Variants in SPATA31D1 observed in about 807,000 individuals in gnomAD.
The protein encoded by SPATA31D1 is spermatogenesis-associated protein 31D1.
SPATA31D1 carries 6 observed loss-of-function variants against 13.2 expected under a neutral mutation model. The observed-to-expected ratio is 0.46, with a 90% CI of 0.25 to 0.90. SPATA31D1 has a LOEUF of 0.90. SPATA31D1 is among the 40% of genes least tolerant of loss of function. SPATA31D1 has a pLI of 0.18. For missense variants in SPATA31D1, 2,445 were observed against 1,884.7 expected, an observed-to-expected ratio of 1.30 and a Z score of -5.50; for synonymous variants, 903 against 718.8, an observed-to-expected ratio of 1.26 and a Z score of -4.10.
rs1280683143 is a variant in SPATA31D1, at chr9:81,992,242, T to C, written c.1772T>C (p.Leu591Pro). 1 of 1,613,796 alleles carries C rather than the reference T, an allele frequency of 6.2e-7. No homozygotes were observed. Among genetic ancestry groups the C allele is most frequent in the South Asian group, 1.1e-5 (1 of 91,074 alleles). The change falls in exon 4 of 4, where the codon CTA (leucine) becomes CCA (proline). Residue 591 changes from leucine to proline, a missense_variant. Physicochemically the swap from Leu to Pro is moderately conservative, Grantham distance 98. Coordinates refer to ENST00000344803, the MANE Select transcript of SPATA31D1 (RefSeq NM_001001670.3). ...LAQPQSPFRA[L>P]LPSPLFLIRI... ...CAACCTCAATCTCCATTCCGAGCCC[T>C]ACTACCTAGTCCTCTATTCCTGATT...
rs1564175049 is a variant in SPATA31D1, at chr9:81,993,131, T to TA, written c.2662dup (p.Thr888AsnfsTer9). On this transcript the variant is annotated frameshift_variant, in exon 4 of 4. Transcript: ENST00000344803. LOFTEE classifies it low-confidence loss of function (END_TRUNC). ...TGGTGAGTGAGGACCACTGCGTTGA[T>TA]ACTTCCCAGGAAATTTCCTTCCTTA... 6 of 1,614,000 alleles carry TA rather than the reference T, an allele frequency of 3.7e-6. No individual in the cohort carries two copies. The South Asian group carries it at 6.6e-5, about 18-fold the overall frequency.
At position 81,991,375 on chromosome 9, in the gene SPATA31D1, C is replaced by G; in HGVS notation, c.905C>G (p.Ser302Cys). 6.2e-7 allele frequency: 1 copy of G among 1,614,042 alleles called. No individual in the cohort carries two copies. The highest frequency in any genetic ancestry group is 1.1e-5 in the South Asian group (1 of 91,080). Reference protein sequence around the residue: ...CARHHGPPIPSALPPEDCTVT... With the variant: ...CARHHGPPIPCALPPEDCTVT... ...CGTCATCACGGACCACCAATCCCATCTGCTTTACCACCGGAAGATTGCACT... is the reference window on the plus strand; with the variant it reads ...CGTCATCACGGACCACCAATCCCATGTGCTTTACCACCGGAAGATTGCACT... Residue 302 changes from serine to cysteine, a missense_variant, in exon 4 of 4, where the codon TCT (serine) becomes TGT (cysteine). Ser to Cys is a moderately radical substitution (Grantham distance 112). Transcript: ENST00000344803.
At chr9:81,988,734 T>C (rs762030389), upstream of SPATA31D1, 98 of 1,600,748 alleles carry the variant, frequency 6.1e-5, no homozygotes, top group South Asian at 1.3e-4. Context: ...GACTCTTCCA[T>C]GCTCTGTGAT....
rs375606595 is a variant in SPATA31D1 at position 81,993,030 on chromosome 9, T to C, written c.2560T>C (p.Trp854Arg). ...AATGCCTGGGACTGTGCATAGTTCATGGCACTCAGTCAAGCAGACAATGTC... is the reference window on the plus strand; with the variant it reads ...AATGCCTGGGACTGTGCATAGTTCACGGCACTCAGTCAAGCAGACAATGTC... ...GRMPGTVHSS[W>R]HSVKQTMSLP... Residue 854 changes from tryptophan (W) to arginine (R), a missense_variant, in exon 4 of 4, where the codon TGG becomes CGG. Coordinates refer to ENST00000344803, the MANE Select transcript of SPATA31D1 (RefSeq NM_001001670.3). The C allele has an allele frequency of 3.1e-6, 5 of 1,613,688 alleles. No individual in the cohort carries two copies. The highest frequency in any genetic ancestry group is 2.2e-5 in the East Asian group (1 of 44,878).
chr9:81,990,886 A>G lies in SPATA31D1; in HGVS notation c.416A>G (p.Asp139Gly). ...VCRVCKRATA[D>G]IQQLLSWESL... Reference sequence around the variant, plus strand: ...CGGGTGTGTAAGAGAGCAACTGCTGATATCCAGCAACTGCTGTCTTGGGAG... The same window carrying G: ...CGGGTGTGTAAGAGAGCAACTGCTGGTATCCAGCAACTGCTGTCTTGGGAG... Residue 139 changes from aspartate (D) to glycine (G), a missense_variant, in exon 4 of 4, where the codon GAT becomes GGT. Physicochemically the swap from Asp to Gly is moderately conservative, Grantham distance 94 (BLOSUM62 -1). Coordinates refer to ENST00000344803, the MANE Select transcript of SPATA31D1 (RefSeq NM_001001670.3). 1 of 1,613,898 alleles carries G rather than the reference A, an allele frequency of 6.2e-7. No homozygotes were observed. The highest frequency in any genetic ancestry group is 8.5e-7 in the Non-Finnish European group (1 of 1,179,884).
At position 81,991,691 on chromosome 9, in the gene SPATA31D1, C is replaced by A; in HGVS notation, c.1221C>A (p.Leu407=). 6.2e-7 allele frequency: 1 copy of A among 1,613,924 alleles called. No individual in the cohort carries two copies. Among genetic ancestry groups the A allele is most frequent in the Non-Finnish European group, 8.5e-7 (1 of 1,179,866 alleles). The change falls in exon 4 of 4, where the codon CTC becomes CTA. Residue 407 remains leucine (L), a synonymous_variant. Coordinates refer to ENST00000344803, the MANE Select transcript of SPATA31D1 (RefSeq NM_001001670.3). ...NLIEPVNISF[L]SHDILALLER... ...TAGAGCCTGTTAACATCTCATTTCTCAGCCATGACATTCTGGCACTCCTGG... is the reference window on the plus strand; with the variant it reads ...TAGAGCCTGTTAACATCTCATTTCTAAGCCATGACATTCTGGCACTCCTGG...
Position 81,995,002 on chromosome 9 carries a change from G to A in SPATA31D1, c.4532G>A (p.Cys1511Tyr). Reference sequence around the variant, plus strand: ...GAGGCATTTAAGGGGAAGATACTGTGTCAAAGCCATCCCCAATCCATGCCC... The same window carrying A: ...GAGGCATTTAAGGGGAAGATACTGTATCAAAGCCATCCCCAATCCATGCCC... The part of the protein sequence containing the change: ...KVEAFKGKIL[C>Y]QSHPQSMPHR... The change falls in exon 4 of 4, where the codon TGT becomes TAT. Residue 1511 changes from cysteine to tyrosine, a missense_variant. Coordinates refer to ENST00000344803, the MANE Select transcript of SPATA31D1 (RefSeq NM_001001670.3). The A allele has an allele frequency of 6.2e-7, 1 of 1,613,998 alleles. No homozygotes were observed.
rs529104881 is a variant in SPATA31D1, at chr9:81,988,973, C to A, written c.155C>A (p.Ser52Ter). 6.2e-7 allele frequency: 1 copy of A among 1,611,702 alleles called. No individual in the cohort carries two copies. Among genetic ancestry groups the A allele is most frequent in the African/African-American group, 1.3e-5 (1 of 74,920 alleles). The stretch of plus-strand genomic sequence containing the variant: ...TACGTGGTATTGACCCTGTATTCGT[C>A]ACCCACCGAAAAAAATAATGACATC... ...LFYVVLTLYS[S>*]PTEKNNDIQK... The change falls in exon 1 of 4, where the codon TCA (serine) becomes TAA (stop). Residue 52 changes from serine to a stop codon, truncating the protein, a stop_gained. Coordinates refer to ENST00000344803, the MANE Select transcript of SPATA31D1 (RefSeq NM_001001670.3). LOFTEE classifies it high-confidence loss of function.
In SPATA31D1 at chr9:81,992,659, G is replaced by C. The variant is rs763969001; in HGVS notation, c.2189G>C (p.Gly730Ala). ...CTATCTGTGTCAGAGAGAATTCATG[G>C]ACCGTTAAATATCTCTTTGGTTGAG... ...SELSVSERIHGPLNISLVEGQ... is the reference protein window; with the variant it reads ...SELSVSERIHAPLNISLVEGQ... The change falls in exon 4 of 4, where the codon GGA becomes GCA. Residue 730 changes from glycine to alanine, a missense_variant. Coordinates refer to ENST00000344803, the MANE Select transcript of SPATA31D1 (RefSeq NM_001001670.3). 6.2e-7 allele frequency: 1 copy of C among 1,613,830 alleles called. No individual in the cohort carries two copies. Among genetic ancestry groups the C allele is most frequent in the East Asian group, 2.2e-5 (1 of 44,874 alleles).
At chr9:81,988,602 A>G (rs1824893215), upstream of SPATA31D1, among the ~76,000 whole-genome samples, 1 of 152,190 alleles carries the variant, frequency 6.6e-6, no homozygotes, top group African/African-American at 2.4e-5. Context: ...GAGTTGGGAA[A>G]TGGAGTGGCA....
In SPATA31D1 at chr9:81,991,268, G is replaced by T; in HGVS notation, c.798G>T (p.Leu266Phe). 6.2e-7 allele frequency: 1 copy of T among 1,613,978 alleles called. No homozygotes were observed. The highest frequency in any genetic ancestry group is 8.5e-7 in the Non-Finnish European group (1 of 1,179,876). ...CCAGCCTCCAACCTGAAGCCAGTTTGTCTCTGAACACCATCTTTTCATTTG... is the reference window on the plus strand; with the variant it reads ...CCAGCCTCCAACCTGAAGCCAGTTTTTCTCTGAACACCATCTTTTCATTTG... ...VESSLQPEAS[L>F]SLNTIFSFGS... is the part of the protein sequence containing the mutation. Residue 266 changes from leucine to phenylalanine, a missense_variant, in exon 4 of 4, where the codon TTG becomes TTT. Physicochemically the swap from Leu to Phe is conservative, Grantham distance 22. Transcript: ENST00000344803.
Position 81,994,490 on chromosome 9 carries a change from G to C in SPATA31D1, c.4020G>C (p.Leu1340Phe). The change falls in exon 4 of 4, where the codon TTG (leucine) becomes TTC (phenylalanine). Residue 1340 changes from leucine to phenylalanine, a missense_variant. Physicochemically the swap from Leu to Phe is conservative, Grantham distance 22 (BLOSUM62 0). Coordinates refer to ENST00000344803, the MANE Select transcript of SPATA31D1 (RefSeq NM_001001670.3). ...EVLGSKSSPT[L>F]KTQPPPENLF... ...TTGGGAGCAAATCTTCCCCAACCTT[G>C]AAAACACAGCCTCCTCCTGAAAACC... 2 of 1,613,460 alleles carry C rather than the reference G, an allele frequency of 1.2e-6. No individual in the cohort carries two copies. Among genetic ancestry groups the C allele is most frequent in the African/African-American group, 2.7e-5 (2 of 75,038 alleles).
rs1824930193 is a variant in SPATA31D1 at position 81,990,493 on chromosome 9, A to G, written c.302+7A>G. ...TGCTTTCTCTTCTGAAAAGGTGATTAATCTTTCCCTTTGTGTCCTGTTCCC... is the reference window on the plus strand; with the variant it reads ...TGCTTTCTCTTCTGAAAAGGTGATTGATCTTTCCCTTTGTGTCCTGTTCCC... On this transcript the variant is annotated splice_region_variant and intron_variant, in intron 3 of 3. Coordinates refer to ENST00000344803, the MANE Select transcript of SPATA31D1 (RefSeq NM_001001670.3). 3 of 1,599,632 alleles carry G rather than the reference A, an allele frequency of 1.9e-6. No individual in the cohort carries two copies. In the South Asian group the frequency reaches 3.4e-5, roughly 18 times the overall value.
At position 81,992,517 on chromosome 9, in the gene SPATA31D1, G is replaced by A; in HGVS notation, c.2047G>A (p.Val683Ile). The A allele has an allele frequency of 6.2e-7, 1 of 1,611,934 alleles. No individual in the cohort carries two copies. Among genetic ancestry groups the A allele is most frequent in the Non-Finnish European group, 8.5e-7 (1 of 1,179,722 alleles). ...TGGAGATTTTCCACTCAGCTCTGAG[G>A]TAAGGAAGAAACTAGAGCAACACAT... is the stretch of plus-strand genomic sequence containing the variant. ...IPGDFPLSSE[V>I]RKKLEQHIRR... Residue 683 changes from valine (V) to isoleucine (I), a missense_variant, in exon 4 of 4, where the codon GTA becomes ATA. By Grantham distance (29) the Val-to-Ile change is conservative. Coordinates refer to ENST00000344803, the MANE Select transcript of SPATA31D1 (RefSeq NM_001001670.3).
In SPATA31D1 at chr9:81,994,862, C is replaced by G. The variant is rs371750285; in HGVS notation, c.4392C>G (p.Pro1464=). The G allele has an allele frequency of 2.5e-6, 4 of 1,613,876 alleles. No homozygotes were observed. The highest frequency in any genetic ancestry group is 2.2e-5 in the East Asian group (1 of 44,878). Reference sequence around the variant, plus strand: ...GCTGTCCCTGCAACTACAGGGCTCCCTCCTGCAAAGTGACACGTACCAAAT... The same window carrying G: ...GCTGTCCCTGCAACTACAGGGCTCCGTCCTGCAAAGTGACACGTACCAAAT... ...VQGCPCNYRA[P]SCKVTRTKSC... is the part of the protein sequence containing the mutation. Residue 1464 remains proline (P), a synonymous_variant, in exon 4 of 4, where the codon CCC becomes CCG. Coordinates refer to ENST00000344803, the MANE Select transcript of SPATA31D1 (RefSeq NM_001001670.3).
At position 81,994,262 on chromosome 9, in the gene SPATA31D1, C is replaced by T; in HGVS notation, c.3792C>T (p.Ile1264=). 10 of 1,614,000 alleles carry T rather than the reference C, an allele frequency of 6.2e-6. No homozygotes were observed. The highest frequency in any genetic ancestry group is 8.5e-6 in the Non-Finnish European group (10 of 1,179,896). ...VVHVHLEDSG[I]RVAQKQEPRV... is the part of the protein sequence containing the mutation. The stretch of plus-strand genomic sequence containing the variant: ...ATGTCCACTTGGAGGACAGCGGAAT[C>T]CGTGTGGCACAGAAGCAGGAGCCCA... The change falls in exon 4 of 4, where the codon ATC becomes ATT. Residue 1264 remains isoleucine (I), a synonymous_variant. Coordinates refer to ENST00000344803, the MANE Select transcript of SPATA31D1 (RefSeq NM_001001670.3).
chr9:81,987,406 A>G (rs1824875807), upstream of SPATA31D1, among the ~76,000 whole-genome samples: 1 of 152,088 alleles, frequency 6.6e-6, no homozygotes, highest in Admixed American at 6.6e-5. Flanking sequence ...TTGAAAACCC[A>G]CTCATAACTG....
In SPATA31D1 at chr9:81,993,674, C is replaced by A. The variant is rs748909549; in HGVS notation, c.3204C>A (p.Phe1068Leu). Residue 1068 changes from phenylalanine (F) to leucine (L), a missense_variant, in exon 4 of 4, where the codon TTC becomes TTA. Transcript: ENST00000344803. ...QEKQGTLRRE[F>L]SDTDNDLTES... Reference sequence around the variant, plus strand: ...AGCAGGGGACCCTGAGAAGAGAATTCTCTGATACTGACAATGATCTTACAG... The same window carrying A: ...AGCAGGGGACCCTGAGAAGAGAATTATCTGATACTGACAATGATCTTACAG... The A allele has an allele frequency of 3.1e-6, 5 of 1,613,878 alleles. No homozygotes were observed. Among genetic ancestry groups the A allele is most frequent in the Non-Finnish European group, 3.4e-6 (4 of 1,179,906 alleles).
At position 81,991,735 on chromosome 9, in the gene SPATA31D1, G is replaced by A; in HGVS notation, c.1265G>A (p.Arg422Lys). ...CTCCTGGAGAGACAAGTCAAAAAAA[G>A]GGGTGATTTCCTGATGTGGAAAGAA... ...LALLERQVKK[R>K]GDFLMWKENG... is the part of the protein sequence containing the mutation. The change falls in exon 4 of 4, where the codon AGG becomes AAG. Residue 422 changes from arginine (R) to lysine (K), a missense_variant. By Grantham distance (26) the Arg-to-Lys change is conservative. Coordinates refer to ENST00000344803, the MANE Select transcript of SPATA31D1 (RefSeq NM_001001670.3). 1 of 1,613,792 alleles carries A rather than the reference G, an allele frequency of 6.2e-7. No homozygotes were observed. The highest frequency in any genetic ancestry group is 8.5e-7 in the Non-Finnish European group (1 of 1,179,754).
Sources: gnomAD v4.1 joint callset for allele counts (sites outside exome capture counted in the v4.1 genomes callset) on GRCh38, gnomAD v4.1.1 for gene constraint, MANE v1.5 for transcripts, NCBI Gene and HGNC (gene_info 2026-07-23, HGNC 2026-07-21) for gene names.